TRAPPC2: variants seen among roughly 807,000 people sequenced by gnomAD.
TRAPPC2 encodes the protein trafficking protein particle complex subunit 2.
A neutral mutation model predicts 10.0 loss-of-function variants in TRAPPC2; 4 were observed. That is an observed-to-expected ratio of 0.40 (90% CI 0.20 to 0.92). The LOEUF is 0.92. Among genes scored for constraint, TRAPPC2 ranks in the 40% least tolerant of loss-of-function variants. The pLI is 0.35. For missense variants in TRAPPC2, 52 were observed against 108.7 expected (o/e 0.48, Z 2.32); for synonymous variants, 36 against 37.3 (o/e 0.97, Z 0.12).
intron 2 of TRAPPC2, among the ~76,000 whole-genome samples, chrX:13,729,926 C>CA (rs200745725): frequency 0.011 from 1,204 of 110,349 alleles, 20 homozygotes; most frequent in African/African-American, 0.038. Flanking sequence ...AAAAAACAAA[C>CA]AAAAAAAAGA....
In TRAPPC2 at chrX:13,714,158, A is replaced by AC. The variant is rs2046254582; in HGVS notation, c.*248_*249insG. ...CTCTGTATCAGAAAAAAAAAAAAAA[A>AC]AAAAACATGATTATTGATAATGAAC... On this transcript the variant is annotated 3_prime_UTR_variant, in exon 6 of 6. Coordinates refer to ENST00000380579, the MANE Select transcript of TRAPPC2 (RefSeq NM_001011658.4). The AC allele has an allele frequency of 1.6e-5, 3 of 188,572 alleles. No individual in the cohort carries two copies. The highest frequency in any genetic ancestry group is 3.0e-5 in the African/African-American group (1 of 33,221). 15.5% of individuals were successfully genotyped at this position (188,572 alleles called of 1,213,427 possible). A position where few individuals can be genotyped will look rare whatever the true frequency, so the allele number is the denominator to read the frequency against.
intron 3 of TRAPPC2, among the ~76,000 whole-genome samples, chrX:13,718,734 A>G (rs983359962): frequency 2.7e-5 from 3 of 112,410 alleles, no homozygotes; most frequent in African/African-American, 9.7e-5. Flanking sequence ...ATTACAATTA[A>G]CTTAAAACAT....
chrX:13,716,815 G>A, intron 3 of TRAPPC2, 137 bp from the exon 4 acceptor site: 1 of 582,520 alleles, frequency 1.7e-6, no homozygotes, highest in Non-Finnish European at 2.7e-6. Flanking sequence ...TTATTGTCAT[G>A]AGACTTATAA....
At chrX:13,728,002 G>C (rs1014608463) in intron 2 of TRAPPC2, among the ~76,000 whole-genome samples, 2 of 112,157 alleles carry the variant, frequency 1.8e-5, no homozygotes, top group African/African-American at 6.5e-5. Context: ...AAATCTAGAA[G>C]AAATGGATAA....
chrX:13,717,891 G>A (rs2146787606), intron 3 of TRAPPC2, among the ~76,000 whole-genome samples: 1 of 112,139 alleles, frequency 8.9e-6, no homozygotes, highest in East Asian at 2.8e-4. Flanking sequence ...GCTAAGATGA[G>A]GTCACACTGG....
chrX:13,724,372 C>T (rs1432556186), intron 2 of TRAPPC2, among the ~76,000 whole-genome samples: 1 of 81,619 alleles, frequency 1.2e-5, no homozygotes, highest in Non-Finnish European at 2.3e-5. Flanking sequence ...CAAAGGCCTA[C>T]AATGAGTTGA....
Position 13,719,862 on chromosome X carries a change from C to A in TRAPPC2, c.93+9G>T. The A allele has an allele frequency of 8.7e-7, 1 of 1,153,256 alleles. No homozygotes were observed. Among genetic ancestry groups the A allele is most frequent in the Non-Finnish European group, 1.2e-6 (1 of 851,933 alleles). On this transcript the variant is annotated intron_variant, in intron 3 of 5. Coordinates refer to ENST00000380579, the MANE Select transcript of TRAPPC2 (RefSeq NM_001011658.4). ...ATATCATTACAATAGCATAAAAATT[C>A]TTACGTACTTTGGATTCTGCCTTCC...
chrX:13,717,458 T>C (rs779134275), intron 3 of TRAPPC2, among the ~76,000 whole-genome samples: 1 of 112,171 alleles, frequency 8.9e-6, no homozygotes, highest in Non-Finnish European at 1.9e-5. Flanking sequence ...AATACATTTT[T>C]TGGCCAGGCG....
chrX:13,723,675 C>G (rs1420080395), intron 2 of TRAPPC2, among the ~76,000 whole-genome samples: 1 of 111,313 alleles, frequency 9.0e-6, no homozygotes, highest in Non-Finnish European at 1.9e-5. Flanking sequence ...CCAAGAGAGG[C>G]TTGGCCCAGA....
At chrX:13,725,982 T>G (rs970640876) in intron 2 of TRAPPC2, among the ~76,000 whole-genome samples, 6 of 111,784 alleles carry the variant, frequency 5.4e-5, no homozygotes, top group African/African-American at 2.0e-4. Context: ...CAATAACTGA[T>G]TTGATCAAGT....
intron 4 of TRAPPC2, 65 bp downstream of exon 4, chrX:13,716,469 C>T: frequency 8.6e-7 from 1 of 1,158,417 alleles, no homozygotes; most frequent in African/African-American, 1.8e-5. Flanking sequence ...CATCTATGTT[C>T]CATGTTCTTC....
intron 2 of TRAPPC2, among the ~76,000 whole-genome samples, chrX:13,727,986 A>G (rs2046590140): frequency 8.9e-6 from 1 of 112,216 alleles, no homozygotes; most frequent in Non-Finnish European, 1.9e-5. Flanking sequence ...ACGCAAATAA[A>G]CTGGAAAATC....
chrX:13,724,551 A>G (rs929844926), intron 2 of TRAPPC2, among the ~76,000 whole-genome samples: 1 of 112,017 alleles, frequency 8.9e-6, no homozygotes, highest in African/African-American at 3.2e-5. Flanking sequence ...TGACTTTTCA[A>G]ATAGCAAGCA....
At chrX:13,714,963 A>G (rs774794293) in intron 5 of TRAPPC2, among the ~76,000 whole-genome samples, 1 of 112,514 alleles carries the variant, frequency 8.9e-6, no homozygotes, top group African/African-American at 3.2e-5. Flanking sequence ...TCAGCTTCTC[A>G]AATTAGTGTA....
At chrX:13,723,986 G>C (rs1310534946) in intron 2 of TRAPPC2, among the ~76,000 whole-genome samples, 1 of 112,050 alleles carries the variant, frequency 8.9e-6, no homozygotes, top group Non-Finnish European at 1.9e-5. Flanking sequence ...AGCAAAAGAG[G>C]AAAGTCAGGG....
intron 2 of TRAPPC2, among the ~76,000 whole-genome samples, chrX:13,732,170 T>A (rs781360188): frequency 8.9e-6 from 1 of 111,782 alleles, no homozygotes; most frequent in South Asian, 3.8e-4. Flanking sequence ...TTCAATAATA[T>A]TATCATCTTT....
At chrX:13,733,950 C>A in intron 2 of TRAPPC2, 94 bp downstream of exon 2, 1 of 505,953 alleles carries the variant, frequency 2.0e-6, no homozygotes, top group South Asian at 2.6e-5. Flanking sequence ...AGTTCTTGTT[C>A]AATTCTCTGG....
At chrX:13,729,441 A>G (rs1446239105) in intron 2 of TRAPPC2, among the ~76,000 whole-genome samples, 6 of 106,187 alleles carry the variant, frequency 5.7e-5, no homozygotes, top group Admixed American at 1.0e-4. Context: ...CAGAAATAAC[A>G]CCACACATCT....
chrX:13,724,416 AAAAG>A (rs1050343347), intron 2 of TRAPPC2, among the ~76,000 whole-genome samples: 7 of 109,404 alleles, frequency 6.4e-5, no homozygotes, highest in African/African-American at 2.3e-4. Flanking sequence ...AAAAAAAAAA[AAAAG>A]AGGCTTTTTA....
Sources: gnomAD v4.1 joint callset for allele counts (sites outside exome capture counted in the v4.1 genomes callset) on GRCh38, gnomAD v4.1.1 for gene constraint, MANE v1.5 for transcripts, NCBI Gene and HGNC (gene_info 2026-07-23, HGNC 2026-07-21) for gene names.